ADAMTS9: variants seen among roughly 807,000 people sequenced by gnomAD.
ADAMTS9 encodes A disintegrin and metalloproteinase with thrombospondin motifs 9.
A neutral mutation model predicts 257.1 loss-of-function variants in ADAMTS9; 107 were observed. That is an observed-to-expected ratio of 0.42 (90% CI 0.36 to 0.49). The LOEUF is 0.49. Ranked by LOEUF, ADAMTS9 falls within the 20% of genes least tolerant of loss-of-function variation. The pLI is 0.03. For missense variants in ADAMTS9, 2,353 were observed against 2,469.1 expected (o/e 0.95, Z 1.00); for synonymous variants, 982 against 880.9 (o/e 1.11, Z -2.03).
intron 16 of ADAMTS9, among the ~76,000 whole-genome samples, chr3:64,629,357 C>G (rs1043129069): frequency 2.0e-5 from 3 of 152,148 alleles, no homozygotes; most frequent in Non-Finnish European, 4.4e-5. Context: ...TGAGTCCAAG[C>G]CAAAGTTCTT....
intron 6 of ADAMTS9, 83 bp downstream of exon 6, chr3:64,655,493 C>T (rs1701045091): frequency 1.7e-6 from 2 of 1,155,558 alleles, no homozygotes; most frequent in Non-Finnish European, 2.6e-6. Flanking sequence ...CCTCCACTAG[C>T]AGCTGACTAT....
intron 32 of ADAMTS9, 152 bp from the exon 33 acceptor site, chr3:64,542,122 C>T (rs2083131551): frequency 2.1e-6 from 2 of 974,042 alleles, no homozygotes; most frequent in Non-Finnish European, 3.0e-6. Context: ...ATTTACTGAG[C>T]ACTTACTATG....
chr3:64,600,848 G>A (rs1024137001), intron 26 of ADAMTS9, among the ~76,000 whole-genome samples: 2 of 152,148 alleles, frequency 1.3e-5, no homozygotes, highest in Non-Finnish European at 2.9e-5. Flanking sequence ...AAACATAACC[G>A]CAGTGGGAAA....
chr3:64,680,976 C>T lies in ADAMTS9; in HGVS notation c.679+225G>A, dbSNP rs188359801. On this transcript the variant is annotated intron_variant, in intron 3 of 39. Transcript: ENST00000498707. ...GGAGTCACTGCTTTGAGTTCAAATC[C>T]TGACTTTATAACTTCTTAGCTGTGC... Among the ~76,000 whole-genome samples, 748 of 152,268 alleles carry T rather than the reference C, an allele frequency of 4.9e-3. 6 individuals carry two copies. Among genetic ancestry groups the T allele is most frequent in the Non-Finnish European group, 6.7e-3 (457 of 68,028 alleles).
rs1467568951 is a variant in ADAMTS9, at chr3:64,594,247, T to C, written c.4356+11A>G. Reference sequence around the variant, plus strand: ...AGTTTGGTTAACAAACATGAATAGTTAGGGCCGTACCGAGCTCCAAGGGCC... The same window carrying C: ...AGTTTGGTTAACAAACATGAATAGTCAGGGCCGTACCGAGCTCCAAGGGCC... On this transcript the variant is annotated intron_variant, in intron 28 of 39. Coordinates refer to ENST00000498707, the MANE Select transcript of ADAMTS9 (RefSeq NM_182920.2). 4 of 1,609,004 alleles carry C rather than the reference T, an allele frequency of 2.5e-6. No homozygotes were observed. The highest frequency in any genetic ancestry group is 1.3e-5 in the African/African-American group (1 of 74,816).
chr3:64,624,072 G>T (rs1476910506), intron 16 of ADAMTS9, among the ~76,000 whole-genome samples: 1 of 151,402 alleles, frequency 6.6e-6, no homozygotes, highest in Non-Finnish European at 1.5e-5. Flanking sequence ...CAGGAGGGAG[G>T]GGGGATGGGG....
intron 4 of ADAMTS9, among the ~76,000 whole-genome samples, chr3:64,656,428 A>G (rs1332716255): frequency 6.6e-6 from 1 of 152,134 alleles, no homozygotes; most frequent in African/African-American, 2.4e-5. Context: ...CTGGGCTGAA[A>G]ACTAAATACA....
rs1700836922 is a variant in ADAMTS9, at chr3:64,647,922, G to C, written c.1710+18C>G. 1 of 1,609,874 alleles carries C rather than the reference G, an allele frequency of 6.2e-7. No individual in the cohort carries two copies. The highest frequency in any genetic ancestry group is 1.3e-5 in the African/African-American group (1 of 74,934). ...ATTTCTGCCCTAAGACAGAAGGACA[G>C]AACAGGGCATTACTTGCCTTTCCAG... On this transcript the variant is annotated intron_variant, in intron 11 of 39. Coordinates refer to ENST00000498707, the MANE Select transcript of ADAMTS9 (RefSeq NM_182920.2).
At chr3:64,640,498 C>T (rs767515059) in intron 12 of ADAMTS9, among the ~76,000 whole-genome samples, 6 of 152,142 alleles carry the variant, frequency 3.9e-5, no homozygotes, top group South Asian at 2.1e-4. Flanking sequence ...CTGTTTGCTT[C>T]TCAGTACAAT....
At position 64,535,547 on chromosome 3, in the gene ADAMTS9, CTTTTCTTTTTT is replaced by C. The variant is rs1298825702; in HGVS notation, c.5614-2288_5614-2278del. 6.7e-5 allele frequency among the ~76,000 whole-genome samples: 8 copies of C among 119,754 alleles called. No individual in the cohort carries two copies. The Admixed American group carries it at 9.0e-4, about 13-fold the overall frequency. The allele number at this position is 119,754 out of a possible 152,430, so 78.6% of individuals were successfully genotyped here. On this transcript the variant is annotated intron_variant, in intron 37 of 39. Coordinates refer to ENST00000498707, the MANE Select transcript of ADAMTS9 (RefSeq NM_182920.2). ...TCCATTGGCCATTTTCTTTTCTTTT[CTTTTCTTTTTT>C]TTTTTTTTTTTTTGAGACAAGGTCT...
In ADAMTS9 at chr3:64,687,667, C is replaced by A; in HGVS notation, c.-10G>T. On this transcript the variant is annotated 5_prime_UTR_variant, in exon 1 of 40. Coordinates refer to ENST00000498707, the MANE Select transcript of ADAMTS9 (RefSeq NM_182920.2). The surrounding 1 kb of genome is among the most constrained non-coding windows in gnomAD (Gnocchi z 4.4). ...AGGATACAAACTGCATGGTGCTTCC[C>A]ACCCCTCCCTCCGCTGCCCCCACCC... 6.6e-7 allele frequency: 1 copy of A among 1,510,064 alleles called. No homozygotes were observed. Among genetic ancestry groups the A allele is most frequent in the Non-Finnish European group, 8.9e-7 (1 of 1,121,740 alleles). 93.5% of individuals were successfully genotyped at this position (1,510,064 alleles called of 1,614,324 possible).
chr3:64,652,970 G>C (rs554671734), intron 8 of ADAMTS9, among the ~76,000 whole-genome samples: 2 of 152,276 alleles, frequency 1.3e-5, no homozygotes, highest in East Asian at 3.9e-4. Flanking sequence ...TCTAGGCTAT[G>C]TGCATAAGGT....
At position 64,572,045 on chromosome 3, in the gene ADAMTS9, C is replaced by T. The variant is rs546418710; in HGVS notation, c.4357-3510G>A. On this transcript the variant is annotated intron_variant, in intron 28 of 39. Coordinates refer to ENST00000498707, the MANE Select transcript of ADAMTS9 (RefSeq NM_182920.2). ...TAGGGAATATTTAATTCCTCAAATT[C>T]ACAGCCAAAAAGCCTCCTACTTTGC... is the stretch of plus-strand genomic sequence containing the variant. Among the ~76,000 whole-genome samples the T allele has an allele frequency of 5.2e-3, 725 of 140,102 alleles. 3 individuals are homozygous for T. Among genetic ancestry groups the T allele is most frequent in the Non-Finnish European group, 8.1e-3 (544 of 67,282 alleles). 91.9% of individuals were successfully genotyped at this position (140,102 alleles called of 152,430 possible).
At chr3:64,652,833 A>G (rs1228383703) in intron 8 of ADAMTS9, among the ~76,000 whole-genome samples, 11 of 152,186 alleles carry the variant, frequency 7.2e-5, no homozygotes, top group Admixed American at 7.2e-4. Context: ...CCCCAAATCC[A>G]AAATCCTCCA....
intron 3 of ADAMTS9, among the ~76,000 whole-genome samples, chr3:64,669,134 G>C (rs189129444): frequency 5.1e-4 from 78 of 152,214 alleles, no homozygotes; most frequent in African/African-American, 1.5e-3. Flanking sequence ...CTCAGAAAAG[G>C]CTTGATTGGT....
At chr3:64,668,423 T>C (rs762854602) in intron 3 of ADAMTS9, among the ~76,000 whole-genome samples, 1 of 152,124 alleles carries the variant, frequency 6.6e-6, no homozygotes, top group African/African-American at 2.4e-5. Context: ...AGAGACAGCG[T>C]ATTACGGGAG....
intron 31 of ADAMTS9, 96 bp downstream of exon 31, chr3:64,550,796 A>AT: frequency 6.7e-7 from 1 of 1,493,968 alleles, no homozygotes; most frequent in East Asian, 2.3e-5. Flanking sequence ...GGTAGCCTCA[A>AT]GTCTCCCACA....
chr3:64,618,729 T>TATC (rs1469403554), intron 19 of ADAMTS9, among the ~76,000 whole-genome samples: 1 of 152,178 alleles, frequency 6.6e-6, no homozygotes, highest in Non-Finnish European at 1.5e-5. Flanking sequence ...TTATTATTAT[T>TATC]ATCATTATCC....
chr3:64,615,568 C>A, intron 20 of ADAMTS9, 83 bp from the exon 21 acceptor site: 1 of 1,393,760 alleles, frequency 7.2e-7, no homozygotes, highest in Non-Finnish European at 9.6e-7. Flanking sequence ...TTGTCTCTTC[C>A]AGCTCTTAAG....
Sources: gnomAD v4.1 joint callset for allele counts (sites outside exome capture counted in the v4.1 genomes callset) on GRCh38, gnomAD v4.1.1 for gene constraint, Gnocchi (gnomAD v3.1) non-coding constraint, MANE v1.5 for transcripts, NCBI Gene and HGNC (gene_info 2026-07-23, HGNC 2026-07-21) for gene names.